The following PIK3C3 variants were observed in gnomAD, a reference collection of about 807,000 sequenced individuals.
PIK3C3 encodes the protein phosphatidylinositol 3-kinase catalytic subunit type 3, also known as PI3-kinase type 3.
A neutral mutation model predicts 126.1 loss-of-function variants in PIK3C3; 95 were observed. The observed-to-expected ratio is 0.75, with a 90% CI of 0.64 to 0.89. PIK3C3 has a LOEUF of 0.89. PIK3C3 is among the 40% of genes least tolerant of loss of function. The probability of loss-of-function intolerance (pLI) is 0.00; values close to 1 mark genes in which losing one functional copy is unlikely to be tolerated. For synonymous variants in PIK3C3, 374 were observed against 360.0 expected, an observed-to-expected ratio of 1.04 and a Z score of -0.44; for missense variants, 829 against 1,063.2, an observed-to-expected ratio of 0.78 and a Z score of 3.06.
In PIK3C3 at chr18:42,062,077, C is replaced by T. The variant is rs187872977; in HGVS notation, c.2433-2663C>T. Among the ~76,000 whole-genome samples the T allele has an allele frequency of 3.8e-3, 585 of 152,110 alleles. 1 individual carries two copies. The highest frequency in any genetic ancestry group is 6.2e-3 in the Non-Finnish European group (425 of 68,002). On this transcript the variant is annotated intron_variant, in intron 22 of 24. Coordinates refer to ENST00000262039, the MANE Select transcript of PIK3C3 (RefSeq NM_002647.4). ...CTACCAAGGTGAATCTAATGGGCAGCCAAGTTGGAGAACTTCTAATATATC... is the reference window on the plus strand; with the variant it reads ...CTACCAAGGTGAATCTAATGGGCAGTCAAGTTGGAGAACTTCTAATATATC...
At chr18:41,964,490 A>G (rs943267618) in intron 3 of PIK3C3, among the ~76,000 whole-genome samples, 16 of 152,084 alleles carry the variant, frequency 1.1e-4, no homozygotes, top group African/African-American at 3.6e-4. Flanking sequence ...TTACATTACT[A>G]AATACATTTA....
At chr18:42,045,280 C>T (rs910598778) in intron 20 of PIK3C3, among the ~76,000 whole-genome samples, 2 of 149,936 alleles carry the variant, frequency 1.3e-5, no homozygotes, top group African/African-American at 5.0e-5. Context: ...AAAATGTTTA[C>T]CCTTGTCCTC....
intron 12 of PIK3C3, 149 bp downstream of exon 12, chr18:42,015,715 TC>T: frequency 1.6e-6 from 1 of 627,858 alleles, no homozygotes; most frequent in Non-Finnish European, 2.8e-6. Context: ...TTATAACTTT[TC>T]CCCCTCAGCA....
At chr18:42,061,419 C>G (rs1252190910) in intron 22 of PIK3C3, among the ~76,000 whole-genome samples, 1 of 152,022 alleles carries the variant, frequency 6.6e-6, no homozygotes, top group African/African-American at 2.4e-5. Context: ...CCTGTCTCTA[C>G]TAAAAATACA....
rs764073625 is a variant in PIK3C3 at position 41,996,014 on chromosome 18, T to C, written c.891+20T>C. ...TTAAATGTAAGAGAATTATGAAATA[T>C]TAATTTAAAAATAGTTAAATGGGTG... On this transcript the variant is annotated intron_variant, in intron 8 of 24. Coordinates refer to ENST00000262039, the MANE Select transcript of PIK3C3 (RefSeq NM_002647.4). 2.8e-5 allele frequency: 42 copies of C among 1,520,040 alleles called. No homozygotes were observed. The highest frequency in any genetic ancestry group is 3.6e-5 in the Non-Finnish European group (40 of 1,097,788). The allele number at this position is 1,520,040 out of a possible 1,614,324, so 94.2% of individuals were successfully genotyped here.
Position 41,970,458 on chromosome 18 carries a change from TA to T in PIK3C3, c.531+9del. 1 of 1,613,594 alleles carries T rather than the reference TA, an allele frequency of 6.2e-7. No individual in the cohort carries two copies. On this transcript the variant is annotated splice_donor_region_variant and intron_variant, in intron 4 of 24. Transcript: ENST00000262039. Reference sequence around the variant, plus strand: ...GATCAGATGAGCCGTCTTGCCAAGGTAAAAAAAGTCATTTGGAACAGGTGCA... The same window carrying T: ...GATCAGATGAGCCGTCTTGCCAAGGTAAAAAAGTCATTTGGAACAGGTGCA...
intron 10 of PIK3C3, among the ~76,000 whole-genome samples, chr18:42,009,244 T>C (rs980534735): frequency 4.6e-5 from 7 of 152,206 alleles, no homozygotes; most frequent in Admixed American, 3.3e-4. Flanking sequence ...AGAGACTTGA[T>C]TTCCCTGACT....
At chr18:42,072,623 C>T (rs1598957650) in intron 24 of PIK3C3, among the ~76,000 whole-genome samples, 1 of 152,172 alleles carries the variant, frequency 6.6e-6, no homozygotes, top group African/African-American at 2.4e-5. Context: ...CCTTGACCTC[C>T]TGGGCTTGAG....
intron 24 of PIK3C3, chr18:42,070,651 G>A (rs1985735957): frequency 6.6e-6 from 1 of 152,042 alleles, no homozygotes. Flanking sequence ...TTGACATTGA[G>A]GTTAAAACAT....
At chr18:42,038,914 A>G in intron 18 of PIK3C3, 64 bp downstream of exon 18, 1 of 1,092,256 alleles carries the variant, frequency 9.2e-7, no homozygotes, top group Non-Finnish European at 1.3e-6. Context: ...TTTCAAATTG[A>G]AAATTTTTAA....
intron 24 of PIK3C3, among the ~76,000 whole-genome samples, chr18:42,080,310 G>T (rs990607729): frequency 6.6e-6 from 1 of 152,016 alleles, no homozygotes; most frequent in African/African-American, 2.4e-5. Context: ...AAATGTGTCA[G>T]ATTAAAAGCC....
chr18:42,014,125 T>C (rs1028718652), intron 11 of PIK3C3, among the ~76,000 whole-genome samples: 6 of 143,258 alleles, frequency 4.2e-5, no homozygotes, highest in Admixed American at 1.5e-4. Context: ...GCCAACATGG[T>C]GACACCCGGG....
At chr18:41,987,691 A>G in intron 4 of PIK3C3, 121 bp from the exon 5 acceptor site, 1 of 538,770 alleles carries the variant, frequency 1.9e-6, no homozygotes, top group Non-Finnish European at 3.4e-6. Context: ...CTAATTGCGT[A>G]TGGTTTCTAT....
At chr18:42,080,262 A>G (rs1986201366) in intron 24 of PIK3C3, among the ~76,000 whole-genome samples, 1 of 152,182 alleles carries the variant, frequency 6.6e-6, no homozygotes, top group South Asian at 2.1e-4. Flanking sequence ...TCACATGAAA[A>G]ATAAATCTTG....
chr18:42,019,259 C>T (rs1469174873), intron 12 of PIK3C3, among the ~76,000 whole-genome samples: 1 of 152,214 alleles, frequency 6.6e-6, no homozygotes, highest in East Asian at 1.9e-4. Flanking sequence ...GTTAAAAATT[C>T]AGAAAAACAA....
At chr18:42,079,140 A>T (rs191502558) in intron 24 of PIK3C3, among the ~76,000 whole-genome samples, 1 of 152,190 alleles carries the variant, frequency 6.6e-6, no homozygotes, top group African/African-American at 2.4e-5. Flanking sequence ...TGCCTTTCTC[A>T]CTAGGCTTAA....
intron 24 of PIK3C3, among the ~76,000 whole-genome samples, chr18:42,075,592 A>G (rs1188991842): frequency 6.6e-6 from 1 of 151,940 alleles, no homozygotes; most frequent in African/African-American, 2.4e-5. Flanking sequence ...GTATTTACAG[A>G]TGAGAAAACT....
Position 42,020,523 on chromosome 18 carries a change from C to A in PIK3C3, c.1417-115C>A, listed in dbSNP as rs1318121582. The A allele has an allele frequency of 1.9e-5, 12 of 621,682 alleles. No individual in the cohort carries two copies. In the Admixed American group the frequency reaches 2.5e-4, roughly 13 times the overall value. The allele number at this position is 621,682 out of a possible 1,614,324, so 38.5% of individuals were successfully genotyped here. On this transcript the variant is annotated intron_variant, in intron 12 of 24. Coordinates refer to ENST00000262039, the MANE Select transcript of PIK3C3 (RefSeq NM_002647.4). The stretch of plus-strand genomic sequence containing the variant: ...TAAGGATAGATAAATGGCAGAAAAT[C>A]TGATCTATTACATAAGATATACAGA...
intron 22 of PIK3C3, 127 bp downstream of exon 22, chr18:42,058,178 A>G: frequency 1.5e-6 from 1 of 661,336 alleles, no homozygotes; most frequent in Non-Finnish European, 2.4e-6. Context: ...AGGCAACAAT[A>G]TTTCCTATCT....
Sources: allele counts gnomAD v4.1 joint callset (sites outside exome capture counted in the v4.1 genomes callset), GRCh38; gene constraint gnomAD v4.1.1; transcripts MANE v1.5; gene names NCBI Gene and HGNC (gene_info 2026-07-23, HGNC 2026-07-21).